The following PCDHA7 variants were observed in gnomAD, a reference collection of about 807,000 sequenced individuals.
PCDHA7 encodes the protein protocadherin alpha 7.
In PCDHA7, 37 loss-of-function variants were observed where a neutral mutation model predicts 57.2. That is an observed-to-expected ratio of 0.65 (90% CI 0.50 to 0.85). PCDHA7 has a LOEUF of 0.85. Ranked by LOEUF, PCDHA7 falls within the 40% of genes least tolerant of loss-of-function variation. The probability of loss-of-function intolerance (pLI) is 0.00; values close to 1 mark genes in which losing one functional copy is unlikely to be tolerated. For synonymous variants in PCDHA7, 553 were observed against 558.8 expected, an observed-to-expected ratio of 0.99 and a Z score of 0.15; for missense variants, 1,188 against 1,241.8, an observed-to-expected ratio of 0.96 and a Z score of 0.65.
chr5:140,851,923 T>G, intron 1 of PCDHA7: 1 of 967,860 alleles, frequency 1.0e-6, no homozygotes, highest in Non-Finnish European at 1.2e-6. Flanking sequence ...CATGTTATGT[T>G]TCCTGAATTG....
intron 1 of PCDHA7, chr5:140,870,427 G>C: frequency 6.2e-7 from 1 of 1,614,220 alleles, no homozygotes; most frequent in Non-Finnish European, 8.5e-7. Context: ...CAGGGTATCC[G>C]TGGAGGTGGC....
At chr5:140,924,968 C>T (rs1376675912) in intron 1 of PCDHA7, among the ~76,000 whole-genome samples, 1 of 150,880 alleles carries the variant, frequency 6.6e-6, no homozygotes, top group Non-Finnish European at 1.5e-5. Context: ...AAGGTGAGTG[C>T]AGTGGCTCAT....
In PCDHA7 at chr5:140,857,821, T is replaced by G. The variant is rs782136833; in HGVS notation, c.2355+21083T>G. On this transcript the variant is annotated intron_variant, in intron 1 of 3. Transcript: ENST00000525929. The stretch of plus-strand genomic sequence containing the variant: ...CGGTGGTTGCGGGTCACGTGGTGGC[T>G]AAGGTGCGCGCAGTGGACGCTGACT... 1.3e-5 allele frequency: 21 copies of G among 1,597,530 alleles called. 3 individuals carry two copies. Among genetic ancestry groups the G allele is most frequent in the East Asian group, 2.2e-5 (1 of 44,830 alleles).
At position 140,876,322 on chromosome 5, in the gene PCDHA7, A is replaced by C. The variant is rs146464308; in HGVS notation, c.2355+39584A>C. On this transcript the variant is annotated intron_variant, in intron 1 of 3. Transcript: ENST00000525929. ...AGAAATTTCCTATGGGATCAAAATG[A>C]TTTTGCCAGTGAGTGAGAAATGTAT... 2.9e-4 allele frequency: 465 copies of C among 1,614,034 alleles called. 1 individual carries two copies. In the African/African-American group the frequency reaches 5.7e-3, roughly 20 times the overall value.
At chr5:140,967,279 T>A in intron 1 of PCDHA7, 1 of 1,613,002 alleles carries the variant, frequency 6.2e-7, no homozygotes, top group Non-Finnish European at 8.5e-7. Context: ...ACATAGAGAG[T>A]GCGCAGGACC....
intron 2 of PCDHA7, among the ~76,000 whole-genome samples, chr5:140,979,622 T>C (rs1300997272): frequency 6.6e-6 from 1 of 152,246 alleles, no homozygotes; most frequent in Non-Finnish European, 1.5e-5. Flanking sequence ...GGTATTAGTC[T>C]AAGACTCAGA....
rs1554213921 is a variant in PCDHA7 at position 140,941,202 on chromosome 5, C to CTTTCTTTCTTTCTTT, written c.2356-37747_2356-37746insTTTCTTTCTTTCTTT. Among the ~76,000 whole-genome samples the CTTTCTTTCTTTCTTT allele has an allele frequency of 5.9e-3, 725 of 122,798 alleles. 27 individuals are homozygous for CTTTCTTTCTTTCTTT. The highest frequency in any genetic ancestry group is 0.024 in the East Asian group (107 of 4,522). The allele number at this position is 122,798 out of a possible 152,430, so 80.6% of individuals were successfully genotyped here. ...TCCTGCTTCTTTTTTTTTCTTTCTTCCTTTCTTTCTTCCTTTCTTTCTTTC... is the reference window on the plus strand; with the variant it reads ...TCCTGCTTCTTTTTTTTTCTTTCTTCTTTCTTTCTTTCTTTCTTTCTTTCTTCCTTTCTTTCTTTC... On this transcript the variant is annotated intron_variant, in intron 1 of 3. Coordinates refer to ENST00000525929, the MANE Select transcript of PCDHA7 (RefSeq NM_018910.3).
At chr5:140,917,337 G>GA (rs1240219857) in intron 1 of PCDHA7, among the ~76,000 whole-genome samples, 3 of 142,560 alleles carry the variant, frequency 2.1e-5, no homozygotes, top group Non-Finnish European at 4.7e-5. Context: ...GGGAGGGGGG[G>GA]GATGGTGTAG....
chr5:140,896,596 C>T (rs1554187019), intron 1 of PCDHA7, among the ~76,000 whole-genome samples: 2 of 151,466 alleles, frequency 1.3e-5, no homozygotes, highest in African/African-American at 4.9e-5. Flanking sequence ...AGGCTGGTCT[C>T]GAACTCCTGG....
At chr5:140,934,729 T>G (rs2090016432) in intron 1 of PCDHA7, among the ~76,000 whole-genome samples, 1 of 152,164 alleles carries the variant, frequency 6.6e-6, no homozygotes, top group Non-Finnish European at 1.5e-5. Context: ...CAAGGCCTTT[T>G]TTAGGTGTCA....
intron 1 of PCDHA7, chr5:140,862,626 C>A: frequency 1.9e-6 from 1 of 532,422 alleles, no homozygotes; most frequent in South Asian, 1.4e-5. Flanking sequence ...ACCCGCGGGG[C>A]TGCCACGACT....
At chr5:140,929,217 C>T (rs1183459158) in intron 1 of PCDHA7, 1 of 1,614,016 alleles carries the variant, frequency 6.2e-7, no homozygotes, top group Non-Finnish European at 8.5e-7. Flanking sequence ...GTGGGGAGTA[C>T]AATGCTGCCG....
chr5:140,945,828 A>T (rs2093847646), intron 1 of PCDHA7, among the ~76,000 whole-genome samples: 1 of 152,176 alleles, frequency 6.6e-6, no homozygotes, highest in Admixed American at 6.5e-5. Flanking sequence ...TACAAAAGTC[A>T]ACTCAAAATG....
rs191251073 is a variant in PCDHA7, at chr5:140,928,748, G to C, written c.2356-50201G>C. ...ATTTCAGCCAATATAGGTGAGCTCCGTACTGCTCGCTTAGTTCTTCCCACT... is the reference window on the plus strand; with the variant it reads ...ATTTCAGCCAATATAGGTGAGCTCCCTACTGCTCGCTTAGTTCTTCCCACT... On this transcript the variant is annotated intron_variant, in intron 1 of 3. Coordinates refer to ENST00000525929, the MANE Select transcript of PCDHA7 (RefSeq NM_018910.3). The C allele has an allele frequency of 1.9e-6, 3 of 1,614,114 alleles. No individual in the cohort carries two copies. In the Admixed American group the frequency reaches 5.0e-5, roughly 27 times the overall value.
At chr5:140,999,173 T>G (rs892201477) in intron 3 of PCDHA7, among the ~76,000 whole-genome samples, 20 of 152,158 alleles carry the variant, frequency 1.3e-4, no homozygotes, top group African/African-American at 4.3e-4. Context: ...GAAAAGAGCC[T>G]GATGGGGAGA....
At chr5:140,915,535 A>G (rs1482564103) in intron 1 of PCDHA7, among the ~76,000 whole-genome samples, 1 of 152,002 alleles carries the variant, frequency 6.6e-6, no homozygotes, top group African/African-American at 2.4e-5. Context: ...ACCATCTTGG[A>G]GGTCTTGAAT....
intron 1 of PCDHA7, among the ~76,000 whole-genome samples, chr5:140,873,598 G>A (rs888999019): frequency 1.3e-5 from 2 of 152,148 alleles, no homozygotes; most frequent in Non-Finnish European, 2.9e-5. Flanking sequence ...AAACTTAGAT[G>A]TTCCTATTGG....
Position 140,834,520 on chromosome 5 carries a change from GC to G in PCDHA7, c.139del (p.Arg47AlafsTer31). 1 of 1,614,066 alleles carries G rather than the reference GC, an allele frequency of 6.2e-7. No individual in the cohort carries two copies. The highest frequency in any genetic ancestry group is 8.5e-7 in the Non-Finnish European group (1 of 1,180,042). On this transcript the variant is annotated frameshift_variant, in exon 1 of 4. Transcript: ENST00000525929. LOFTEE classifies it high-confidence loss of function. ...PEEAKHGNFV[G>X]RIAQDLGLEL... is the part of the protein sequence containing the mutation. ...GAGGCTAAACATGGCAACTTCGTGG[GC>G]CGCATCGCGCAGGACCTGGGGCTGG... is the stretch of plus-strand genomic sequence containing the variant.
rs1023415818 is a variant in PCDHA7 at position 140,856,852 on chromosome 5, G to A, written c.2355+20114G>A. The stretch of plus-strand genomic sequence containing the variant: ...TAATACGGCTCAACGCTTCTGATTC[G>A]GATGAAGGAATAAACAAGGAAATGA... On this transcript the variant is annotated intron_variant, in intron 1 of 3. Coordinates refer to ENST00000525929, the MANE Select transcript of PCDHA7 (RefSeq NM_018910.3). 5.6e-6 allele frequency: 9 copies of A among 1,593,530 alleles called. No homozygotes were observed. In the African/African-American group the frequency reaches 8.1e-5, roughly 14 times the overall value.
Sources: allele counts gnomAD v4.1 joint callset (sites outside exome capture counted in the v4.1 genomes callset), GRCh38; gene constraint gnomAD v4.1.1; transcripts MANE v1.5; gene names NCBI Gene and HGNC (gene_info 2026-07-23, HGNC 2026-07-21).